The following ZFR2 variants were observed in gnomAD, a reference collection of about 807,000 sequenced individuals.
ZFR2 encodes zinc finger RNA binding protein 2.
ZFR2 carries 104 observed loss-of-function variants against 105.7 expected under a neutral mutation model. That is an observed-to-expected ratio of 0.98 (90% CI 0.84 to 1.16). ZFR2 has a LOEUF of 1.16. ZFR2 is among the 50% of genes most tolerant of loss of function. The pLI is 0.00. For missense variants in ZFR2, 1,425 were observed against 1,355.5 expected (o/e 1.05, Z -0.80); for synonymous variants, 634 against 597.7 (o/e 1.06, Z -0.89).
chr19:3,833,233 A>G lies in ZFR2; in HGVS notation c.379+431T>C, dbSNP rs578136911. Among the ~76,000 whole-genome samples the G allele has an allele frequency of 4.3e-5, 6 of 141,066 alleles. No homozygotes were observed. The East Asian group carries it at 1.3e-3, about 30-fold the overall frequency. The allele number at this position is 141,066 out of a possible 152,430, so 92.5% of individuals were successfully genotyped here. On this transcript the variant is annotated intron_variant, in intron 3 of 18. Transcript: ENST00000262961. Reference sequence around the variant, plus strand: ...CACTGCACTCCAGCCTGGGCAACAGAGTGAGACTCCGTCTCAAAAAAAAAA... The same window carrying G: ...CACTGCACTCCAGCCTGGGCAACAGGGTGAGACTCCGTCTCAAAAAAAAAA...
chr19:3,856,300 C>A (rs938853154), intron 1 of ZFR2, among the ~76,000 whole-genome samples: 1 of 152,182 alleles, frequency 6.6e-6, no homozygotes, highest in African/African-American at 2.4e-5. Context: ...ATCCACAGAG[C>A]ATGCTGCATG....
intron 1 of ZFR2, among the ~76,000 whole-genome samples, chr19:3,850,474 T>G (rs1211698333): frequency 6.6e-6 from 1 of 152,072 alleles, no homozygotes; most frequent in Non-Finnish European, 1.5e-5. Context: ...ATTCTTATGT[T>G]GAAGCCCTAA....
intron 1 of ZFR2, among the ~76,000 whole-genome samples, chr19:3,840,529 G>A (rs1443796055): frequency 6.6e-6 from 1 of 151,212 alleles, no homozygotes; most frequent in Non-Finnish European, 1.5e-5. Flanking sequence ...GAGCCACTGT[G>A]CCTGGCCTGA....
intron 1 of ZFR2, among the ~76,000 whole-genome samples, chr19:3,862,916 GCA>G (rs1460044919): frequency 2.6e-5 from 4 of 152,202 alleles, no homozygotes; most frequent in Non-Finnish European, 5.9e-5. Flanking sequence ...TGCAGCAGAG[GCA>G]CAGTTACTTA....
chr19:3,822,200 C>T lies in ZFR2; in HGVS notation c.1372G>A (p.Val458Met). Residue 458 changes from valine to methionine, a missense_variant and splice_region_variant, in exon 9 of 19, where the codon GTG becomes ATG. Val to Met is a conservative substitution (Grantham distance 21). Coordinates refer to ENST00000262961, the MANE Select transcript of ZFR2 (RefSeq NM_015174.2). ...AGCACTCGCCCTTCGTCGCTGAACA[C>T]CTGAGACACAGAACAGCCGCACGCG... ...QPVGPEYVEEVFSDEGRVLRF... is the reference protein window; with the variant it reads ...QPVGPEYVEEMFSDEGRVLRF... The T allele has an allele frequency of 6.3e-7, 1 of 1,587,100 alleles. No homozygotes were observed. Among genetic ancestry groups the T allele is most frequent in the Non-Finnish European group, 8.6e-7 (1 of 1,167,490 alleles).
chr19:3,833,403 C>CT (rs2038040998), intron 3 of ZFR2: 1 of 334,034 alleles, frequency 3.0e-6, no homozygotes, highest in Non-Finnish European at 5.7e-6. Context: ...TGTGAAACCC[C>CT]GTCTCTACTA....
At chr19:3,807,124 C>T (rs1306686412) in intron 18 of ZFR2, 48 bp downstream of exon 18, 19 of 1,408,362 alleles carry the variant, frequency 1.3e-5, no homozygotes, top group Middle Eastern at 1.8e-4. Flanking sequence ...AGCTGCAAGC[C>T]GGAGCTGGGG....
Position 3,823,899 on chromosome 19 carries a change from G to A in ZFR2, c.1214-496C>T, listed in dbSNP as rs2037922661. 1.3e-5 allele frequency among the ~76,000 whole-genome samples: 2 copies of A among 152,158 alleles called. No homozygotes were observed. Among genetic ancestry groups the A allele is most frequent in the Admixed American group, 1.3e-4 (2 of 15,268 alleles). On this transcript the variant is annotated intron_variant, in intron 7 of 18. Coordinates refer to ENST00000262961, the MANE Select transcript of ZFR2 (RefSeq NM_015174.2). This position sits in a 1 kb window ranked among gnomAD's most constrained non-coding sequence, Gnocchi z 5.4. The stretch of plus-strand genomic sequence containing the variant: ...CTCGACCCCTGCCCACGCACAGCAC[G>A]GTGGTCCAGGGCAGAGACTCTTAGA...
intron 1 of ZFR2, 128 bp downstream of exon 1, chr19:3,868,837 C>T: frequency 1.2e-6 from 1 of 808,802 alleles, no homozygotes; most frequent in Non-Finnish European, 1.7e-6. Context: ...TTCCCTCAGG[C>T]CGGGGTTCCA....
At chr19:3,847,369 C>T (rs2038194507) in intron 1 of ZFR2, among the ~76,000 whole-genome samples, 1 of 151,878 alleles carries the variant, frequency 6.6e-6, no homozygotes, top group East Asian at 1.9e-4. Flanking sequence ...ACTAAAAACA[C>T]AAAAATTAGC....
chr19:3,811,115 G>A (rs2037758901), intron 15 of ZFR2, among the ~76,000 whole-genome samples, 157 bp downstream of exon 15: 1 of 152,222 alleles, frequency 6.6e-6, no homozygotes, highest in Admixed American at 6.5e-5. Context: ...AGCGTTGGTT[G>A]TCAAGTCAGC....
rs1160070421 is a variant in ZFR2, at chr19:3,820,251, G to A, written c.1671C>T (p.His557=). The change falls in exon 11 of 19, where the codon CAC becomes CAT. Residue 557 remains histidine, a synonymous_variant. Coordinates refer to ENST00000262961, the MANE Select transcript of ZFR2 (RefSeq NM_015174.2). The part of the protein sequence containing the change: ...EEEPPQDVPP[H]APPDWAQPLL... ...GAGGCTGGGCCCAGTCGGGCGGCGC[G>A]TGGGGCGGCACGTCCTGGGGTGGCT... 4.0e-5 allele frequency: 62 copies of A among 1,548,530 alleles called. No individual in the cohort carries two copies. The highest frequency in any genetic ancestry group is 3.3e-4 in the Middle Eastern group (2 of 5,984).
chr19:3,859,441 C>A (rs2038345806), intron 1 of ZFR2, among the ~76,000 whole-genome samples: 1 of 152,206 alleles, frequency 6.6e-6, no homozygotes, highest in African/African-American at 2.4e-5. Flanking sequence ...GTGTGAGTCA[C>A]TTCTCCTGGA....
chr19:3,851,553 GCAGCC>G (rs978668596), intron 1 of ZFR2, among the ~76,000 whole-genome samples: 23 of 152,210 alleles, frequency 1.5e-4, no homozygotes, highest in African/African-American at 5.5e-4. Context: ...CTCCAATGGG[GCAGCC>G]CACATCTTCA....
chr19:3,852,611 T>C lies in ZFR2; in HGVS notation c.53+16354A>G, dbSNP rs1049418194. On this transcript the variant is annotated intron_variant, in intron 1 of 18. Transcript: ENST00000262961. ...GGGCCGGGGGAGTGGTCTCCACTTC[T>C]GGACTGGAAGAGTAGCAAGGACATG... 1.5e-5 allele frequency: 11 copies of C among 718,274 alleles called. No homozygotes were observed. In the African/African-American group the frequency reaches 1.9e-4, roughly 13 times the overall value. 44.5% of individuals were successfully genotyped at this position (718,274 alleles called of 1,614,324 possible).
chr19:3,830,442 A>C (rs2037999372), intron 5 of ZFR2, among the ~76,000 whole-genome samples: 1 of 152,160 alleles, frequency 6.6e-6, no homozygotes, highest in African/African-American at 2.4e-5. Context: ...TCTCCAAAAG[A>C]AACTCAAACT....
At chr19:3,833,803 G>C (rs777743212) in intron 2 of ZFR2, 25 bp from the exon 3 acceptor site, 2 of 1,545,200 alleles carry the variant, frequency 1.3e-6, no homozygotes, top group Non-Finnish European at 1.8e-6. Context: ...CGGCAGGAGA[G>C]AGACAGAGAA....
Position 3,825,455 on chromosome 19 carries a change from G to C in ZFR2, c.1036-48C>G, listed in dbSNP as rs755161911. On this transcript the variant is annotated intron_variant, in intron 6 of 18. Coordinates refer to ENST00000262961, the MANE Select transcript of ZFR2 (RefSeq NM_015174.2). Reference sequence around the variant, plus strand: ...CCCGCGTGAGGGCCGCTCCCAGCCTGATGGCCTTTTTCAAGAGGCAGGAAG... The same window carrying C: ...CCCGCGTGAGGGCCGCTCCCAGCCTCATGGCCTTTTTCAAGAGGCAGGAAG... 7.9e-6 allele frequency: 12 copies of C among 1,519,740 alleles called. No homozygotes were observed. The East Asian group carries it at 3.0e-4, about 38-fold the overall frequency. 94.1% of individuals were successfully genotyped at this position (1,519,740 alleles called of 1,614,324 possible).
chr19:3,807,840 T>A (rs1259956366), intron 17 of ZFR2, among the ~76,000 whole-genome samples: 2 of 146,118 alleles, frequency 1.4e-5, no homozygotes, highest in African/African-American at 2.5e-5. Flanking sequence ...ACTCATTCCA[T>A]GTGTGTGCCC....
Sources: allele counts gnomAD v4.1 joint callset (sites outside exome capture counted in the v4.1 genomes callset), GRCh38; gene constraint gnomAD v4.1.1; non-coding constraint Gnocchi (gnomAD v3.1); transcripts MANE v1.5; gene names NCBI Gene and HGNC (gene_info 2026-07-23, HGNC 2026-07-21).